TPTE2: variants seen among roughly 807,000 people sequenced by gnomAD.
TPTE2 encodes phosphatidylinositol 3,4,5-trisphosphate 3-phosphatase TPTE2.
TPTE2 carries 53 observed loss-of-function variants against 78.6 expected under a neutral mutation model. The ratio of observed to expected loss-of-function variants is 0.67; its 90% CI spans 0.54 to 0.85. The LOEUF is 0.85. TPTE2 is among the 40% of genes least tolerant of loss of function. TPTE2 has a pLI of 0.00. For missense variants in TPTE2, 461 were observed against 623.0 expected, an observed-to-expected ratio of 0.74 and a Z score of 2.77; for synonymous variants, 175 against 206.2, an observed-to-expected ratio of 0.85 and a Z score of 1.30.
intron 6 of TPTE2, among the ~76,000 whole-genome samples, chr13:19,472,656 G>A (rs942268973): frequency 3.3e-5 from 5 of 152,102 alleles, no homozygotes; most frequent in Non-Finnish European, 7.4e-5. Context: ...CTACAGGATT[G>A]GCTCCTGGTG....
In TPTE2 at chr13:19,435,738, C is replaced by T. The variant is rs546718730; in HGVS notation, c.1116+488G>A. Among the ~76,000 whole-genome samples the T allele has an allele frequency of 3.5e-5, 5 of 144,578 alleles. No individual in the cohort carries two copies. In the East Asian group the frequency reaches 9.9e-4, roughly 29 times the overall value. 94.8% of individuals were successfully genotyped at this position (144,578 alleles called of 152,430 possible). A position where few individuals can be genotyped will look rare whatever the true frequency, so the allele number is the denominator to read the frequency against. ...TTTTCTCTTTTAAAATACATCTCCC[C>T]CACAACACACAGAAAAGACACACAC... On this transcript the variant is annotated intron_variant, in intron 15 of 19. Transcript: ENST00000400230.
upstream of TPTE2, among the ~76,000 whole-genome samples, chr13:19,537,004 A>G (rs1292307264): frequency 6.6e-6 from 1 of 151,628 alleles, no homozygotes; most frequent in Non-Finnish European, 1.5e-5. Flanking sequence ...GGGGTTGCCA[A>G]TTTACAGTGC....
the TPTE2 span, among the ~76,000 whole-genome samples, chr13:19,555,452 C>T: frequency 6.6e-6 from 1 of 152,158 alleles, no homozygotes; most frequent in South Asian, 2.1e-4. Flanking sequence ...CAACAGTGAA[C>T]AATTGCTAAA....
At chr13:19,462,525 T>C (rs1033044901) in intron 10 of TPTE2, among the ~76,000 whole-genome samples, 11 of 141,776 alleles carry the variant, frequency 7.8e-5, no homozygotes, top group Non-Finnish European at 1.5e-4. Context: ...TTTCTTGCTG[T>C]TTTTAACATT....
intron 6 of TPTE2, among the ~76,000 whole-genome samples, chr13:19,468,444 T>C (rs1440865249): frequency 1.3e-5 from 2 of 152,226 alleles, no homozygotes; most frequent in Non-Finnish European, 2.9e-5. Flanking sequence ...TGCTTCCAAA[T>C]CTTAGCCATT....
chr13:19,490,376 C>T (rs562578329), intron 3 of TPTE2, among the ~76,000 whole-genome samples: 1 of 151,964 alleles, frequency 6.6e-6, no homozygotes, highest in African/African-American at 2.4e-5. Context: ...ATCTAGTTAC[C>T]CTGAAAAATG....
chr13:19,444,196 C>A (rs1055062934), intron 13 of TPTE2, among the ~76,000 whole-genome samples: 3 of 150,870 alleles, frequency 2.0e-5, no homozygotes, highest in African/African-American at 7.3e-5. Flanking sequence ...GTGCTAGCTA[C>A]TCAAGAGGCT....
At chr13:19,528,318 C>T (rs1488708751) in intron 1 of TPTE2, among the ~76,000 whole-genome samples, 2 of 151,068 alleles carry the variant, frequency 1.3e-5, no homozygotes, top group Non-Finnish European at 2.9e-5. Context: ...ATCCAAGAGG[C>T]GGAGGCTGCA....
intron 6 of TPTE2, among the ~76,000 whole-genome samples, chr13:19,471,761 C>T (rs1170478790): frequency 6.6e-6 from 1 of 152,144 alleles, no homozygotes; most frequent in Non-Finnish European, 1.5e-5. Context: ...CCTACTATTA[C>T]CAGTGAGTTT....
intron 10 of TPTE2, among the ~76,000 whole-genome samples, chr13:19,459,875 G>A (rs1878777947): frequency 1.3e-5 from 2 of 152,206 alleles, no homozygotes; most frequent in South Asian, 4.1e-4. Flanking sequence ...GAACCACAGT[G>A]ATGCTGGCTG....
At chr13:19,510,921 T>A (rs1290056395) in intron 1 of TPTE2, among the ~76,000 whole-genome samples, 2 of 152,234 alleles carry the variant, frequency 1.3e-5, no homozygotes, top group African/African-American at 2.4e-5. Context: ...ATGCAATATG[T>A]TACCATCTAT....
intron 6 of TPTE2, among the ~76,000 whole-genome samples, chr13:19,471,002 C>T (rs1237647639): frequency 1.3e-5 from 2 of 151,750 alleles, no homozygotes; most frequent in African/African-American, 2.4e-5. Flanking sequence ...CTCTGCCTCC[C>T]GGGTTCAAGT....
intron 4 of TPTE2, among the ~76,000 whole-genome samples, chr13:19,479,540 C>G (rs1159689821): frequency 6.6e-6 from 1 of 151,778 alleles, no homozygotes; most frequent in Non-Finnish European, 1.5e-5. Flanking sequence ...ATAAATAAAA[C>G]CAAACATACC....
intron 1 of TPTE2, among the ~76,000 whole-genome samples, chr13:19,510,511 G>C (rs1203613949): frequency 4.6e-5 from 7 of 151,560 alleles, no homozygotes; most frequent in Non-Finnish European, 1.0e-4. Flanking sequence ...CTCCCAGGGA[G>C]GGAATTAATC....
chr13:19,468,809 T>G (rs2497252), intron 6 of TPTE2, among the ~76,000 whole-genome samples: 142,529 of 152,258 alleles, frequency 0.94, 66,969 homozygotes, highest in East Asian at 1. Flanking sequence ...TTTACCATCT[T>G]TATGTTTTCT....
At chr13:19,464,151 T>A (rs1472355592) in intron 10 of TPTE2, among the ~76,000 whole-genome samples, 2 of 152,286 alleles carry the variant, frequency 1.3e-5, no homozygotes, top group African/African-American at 4.8e-5. Context: ...CACAGATACA[T>A]GAATGAGCTT....
intron 4 of TPTE2, among the ~76,000 whole-genome samples, chr13:19,476,371 A>G (rs920136382): frequency 1.3e-5 from 2 of 151,162 alleles, no homozygotes; most frequent in African/African-American, 2.4e-5. Flanking sequence ...GAAGCCTCCA[A>G]CACAGGAGAC....
At chr13:19,540,280 CATTATT>C (rs141067657), upstream of TPTE2, among the ~76,000 whole-genome samples, 29 of 145,072 alleles carry the variant, frequency 2.0e-4, 1 homozygote, top group South Asian at 4.0e-3. Context: ...AATTAAATCT[CATTATT>C]ATTATTATTA....
At chr13:19,468,540 G>T (rs1210890146) in intron 6 of TPTE2, among the ~76,000 whole-genome samples, 1 of 152,136 alleles carries the variant, frequency 6.6e-6, no homozygotes, top group African/African-American at 2.4e-5. Context: ...CCAGCAGTGG[G>T]ATTGCTGGAT....
Sources: gnomAD v4.1 joint callset for allele counts (sites outside exome capture counted in the v4.1 genomes callset) on GRCh38, gnomAD v4.1.1 for gene constraint, MANE v1.5 for transcripts, NCBI Gene and HGNC (gene_info 2026-07-23, HGNC 2026-07-21) for gene names.